The following PRKCA variants were observed in gnomAD, a reference collection of about 807,000 sequenced individuals.
PRKCA encodes protein kinase C alpha type.
A neutral mutation model predicts 87.0 loss-of-function variants in PRKCA; 27 were observed. The observed-to-expected ratio is 0.31, with a 90% CI of 0.23 to 0.43. The LOEUF (loss-of-function observed/expected upper bound fraction) is 0.43. Ranked by LOEUF, PRKCA falls within the 20% of genes least tolerant of loss-of-function variation. The pLI, the probability that PRKCA is intolerant of heterozygous loss-of-function variation, is 1.00. For synonymous variants in PRKCA, 329 were observed against 311.1 expected (o/e 1.06, Z -0.61); for missense variants, 518 against 852.3 (o/e 0.61, Z 4.88).
intron 2 of PRKCA, among the ~76,000 whole-genome samples, chr17:66,408,951 C>T (rs1911587424): frequency 2.1e-5 from 3 of 140,068 alleles, no homozygotes; most frequent in African/African-American, 8.0e-5. Flanking sequence ...ACTTAGGAGG[C>T]TGAGGCAGGA....
chr17:66,354,930 T>C (rs1260522022), intron 2 of PRKCA, among the ~76,000 whole-genome samples: 1 of 152,238 alleles, frequency 6.6e-6, no homozygotes, highest in Admixed American at 6.5e-5. Context: ...TTGATGGTTA[T>C]TTTCTACTTG....
At chr17:66,750,590 T>G (rs1974406534) in intron 13 of PRKCA, among the ~76,000 whole-genome samples, 1 of 152,212 alleles carries the variant, frequency 6.6e-6, no homozygotes, top group Admixed American at 6.5e-5. Context: ...ACTGGGCACC[T>G]TCTGCGATAT....
At chr17:66,717,085 T>A (rs1018371945) in intron 8 of PRKCA, among the ~76,000 whole-genome samples, 1 of 152,226 alleles carries the variant, frequency 6.6e-6, no homozygotes. Flanking sequence ...AGATTCTTAA[T>A]TGTCGCTGTT....
At chr17:66,506,860 T>C (rs1406043557) in intron 3 of PRKCA, among the ~76,000 whole-genome samples, 1 of 152,180 alleles carries the variant, frequency 6.6e-6, no homozygotes, top group Non-Finnish European at 1.5e-5. Context: ...AGTGACTCAG[T>C]GATACTAGAC....
chr17:66,334,164 C>T (rs1047432270), intron 2 of PRKCA, among the ~76,000 whole-genome samples: 2 of 152,088 alleles, frequency 1.3e-5, no homozygotes, highest in African/African-American at 2.4e-5. Flanking sequence ...GCAGGAGAAT[C>T]GCTTGAACCC....
chr17:66,510,336 A>C (rs1487911488), intron 3 of PRKCA, among the ~76,000 whole-genome samples: 1 of 152,194 alleles, frequency 6.6e-6, no homozygotes. Flanking sequence ...AAGCCTAACG[A>C]AATTATGCAA....
intron 2 of PRKCA, among the ~76,000 whole-genome samples, chr17:66,354,160 C>T (rs1907912781): frequency 6.6e-6 from 1 of 152,186 alleles, no homozygotes; most frequent in African/African-American, 2.4e-5. Flanking sequence ...TGGTGTGTAT[C>T]TCCAGAGTCC....
At chr17:66,415,215 T>C (rs1277375412) in intron 2 of PRKCA, 1 of 152,236 alleles carries the variant, frequency 6.6e-6, no homozygotes, top group Non-Finnish European at 1.5e-5. Context: ...TATACTTAAC[T>C]ATGATTGAGC....
At chr17:66,736,525 G>A (rs984701567) in intron 10 of PRKCA, among the ~76,000 whole-genome samples, 45 of 151,750 alleles carry the variant, frequency 3.0e-4, no homozygotes, top group Admixed American at 8.5e-4. Flanking sequence ...TGATCCACCC[G>A]CCTCGGCCTC....
At chr17:66,664,065 G>A (rs1971977458) in intron 5 of PRKCA, among the ~76,000 whole-genome samples, 1 of 151,830 alleles carries the variant, frequency 6.6e-6, no homozygotes, top group Admixed American at 6.6e-5. Flanking sequence ...ATAGGGTTTC[G>A]CCATGTTGGC....
At chr17:66,562,884 C>G (rs1968760399) in intron 3 of PRKCA, among the ~76,000 whole-genome samples, 1 of 152,170 alleles carries the variant, frequency 6.6e-6, no homozygotes, top group Non-Finnish European at 1.5e-5. Context: ...GGCATGAACA[C>G]TGTGCCTGGC....
intron 5 of PRKCA, among the ~76,000 whole-genome samples, chr17:66,666,175 A>T (rs1206335917): frequency 1.3e-5 from 2 of 152,274 alleles, no homozygotes; most frequent in Non-Finnish European, 2.9e-5. Context: ...TACATAGAGC[A>T]GAAATCCGCT....
chr17:66,373,026 T>C (rs1422637336), intron 2 of PRKCA, among the ~76,000 whole-genome samples: 1 of 151,992 alleles, frequency 6.6e-6, no homozygotes, highest in Non-Finnish European at 1.5e-5. Flanking sequence ...GCCACTGCAC[T>C]CCAGCCTGGG....
chr17:66,374,005 G>A (rs768341630), intron 2 of PRKCA, among the ~76,000 whole-genome samples: 2 of 152,174 alleles, frequency 1.3e-5, no homozygotes, highest in South Asian at 4.1e-4. Context: ...GGGTTTGAGG[G>A]CAGCTGTTCA....
intron 2 of PRKCA, among the ~76,000 whole-genome samples, chr17:66,478,808 C>T (rs1260443921): frequency 6.6e-6 from 1 of 152,102 alleles, no homozygotes; most frequent in Non-Finnish European, 1.5e-5. Context: ...CAACAACTTA[C>T]AGTATTTTTA....
intron 5 of PRKCA, among the ~76,000 whole-genome samples, chr17:66,653,160 G>C (rs1000137022): frequency 2.0e-5 from 3 of 152,238 alleles, no homozygotes; most frequent in Non-Finnish European, 4.4e-5. Flanking sequence ...GGATGGGCAG[G>C]GGCTGCCTGG....
chr17:66,305,222 A>G (rs1904750977), intron 1 of PRKCA, among the ~76,000 whole-genome samples: 1 of 152,210 alleles, frequency 6.6e-6, no homozygotes, highest in Non-Finnish European at 1.5e-5. Context: ...TTATTTCAAT[A>G]TTAAATCACT....
chr17:66,343,161 T>C (rs1393618877), intron 2 of PRKCA, among the ~76,000 whole-genome samples: 1 of 152,148 alleles, frequency 6.6e-6, no homozygotes, highest in Admixed American at 6.5e-5. Flanking sequence ...TTGTTTGGTT[T>C]ACCGTGCTGA....
At chr17:66,645,632 C>G in intron 5 of PRKCA, 121 bp downstream of exon 5, 1 of 1,393,596 alleles carries the variant, frequency 7.2e-7, no homozygotes, top group South Asian at 1.4e-5. Flanking sequence ...GGCAGTCGCC[C>G]TGGTGGAGCC....
Sources: allele counts gnomAD v4.1 joint callset (sites outside exome capture counted in the v4.1 genomes callset), GRCh38; gene constraint gnomAD v4.1.1; transcripts MANE v1.5; gene names NCBI Gene and HGNC (gene_info 2026-07-23, HGNC 2026-07-21).